The following NHSL1 variants were observed in gnomAD, a reference collection of about 807,000 sequenced individuals.
NHSL1 encodes the protein NHS like 1.
A neutral mutation model predicts 95.0 loss-of-function variants in NHSL1; 48 were observed. The ratio of observed to expected loss-of-function variants is 0.51; its 90% CI spans 0.40 to 0.64. The LOEUF (loss-of-function observed/expected upper bound fraction) is 0.64, where lower values mean the gene tolerates loss of function less well. NHSL1 is among the 30% of genes least tolerant of loss of function. The probability of loss-of-function intolerance (pLI) is 0.00; values close to 1 mark genes in which losing one functional copy is unlikely to be tolerated. For missense variants in NHSL1, 1,971 were observed against 2,077.7 expected (o/e 0.95, Z 1.00); for synonymous variants, 783 against 833.9 (o/e 0.94, Z 1.05).
intron 1 of NHSL1, among the ~76,000 whole-genome samples, chr6:138,656,150 ACTT>A (rs144832091): frequency 0.046 from 6,962 of 152,284 alleles, 223 homozygotes; most frequent in South Asian, 0.076. Flanking sequence ...GAAAGGAATG[ACTT>A]CTTCTGGTAT....
intron 1 of NHSL1, among the ~76,000 whole-genome samples, chr6:138,499,021 T>C (rs1392017785): frequency 2.6e-5 from 4 of 152,122 alleles, no homozygotes; most frequent in Non-Finnish European, 5.9e-5. Flanking sequence ...GTTACAAAAG[T>C]CTGAGGTATT....
At chr6:138,504,382 T>C (rs911591205), upstream of NHSL1, among the ~76,000 whole-genome samples, 6 of 152,126 alleles carry the variant, frequency 3.9e-5, no homozygotes, top group African/African-American at 1.2e-4. Flanking sequence ...CAGATAAAAA[T>C]GATGATATAA....
chr6:138,464,240 G>T, intron 3 of NHSL1: 1 of 823,736 alleles, frequency 1.2e-6, no homozygotes. Context: ...GGCCATCACG[G>T]CCGGCACCGT....
At position 138,431,521 on chromosome 6, in the gene NHSL1, A is replaced by G. The variant is rs201427116; in HGVS notation, c.2824T>C (p.Cys942Arg). 7 of 1,551,078 alleles carry G rather than the reference A, an allele frequency of 4.5e-6. No homozygotes were observed. In the East Asian group the frequency reaches 1.7e-4, roughly 38 times the overall value. ...AGGAAAGGAGACCTGTCTGCAGGAC[A>G]AGGGAATGGAGGAGAGGGAACAGGA... ...PPPVPSPPFP[C>R]PADRSPFLPP... The change falls in exon 6 of 8, where the codon TGT becomes CGT. Residue 942 changes from cysteine to arginine, a missense_variant. Physicochemically the swap from Cys to Arg is radical, Grantham distance 180 (BLOSUM62 -3). Transcript: ENST00000343505. This position sits in a 1 kb window ranked among gnomAD's most constrained non-coding sequence, Gnocchi z 4.0.
At chr6:138,546,097 T>A (rs547163884), upstream of NHSL1, among the ~76,000 whole-genome samples, 2 of 152,210 alleles carry the variant, frequency 1.3e-5, no homozygotes, top group Non-Finnish European at 2.9e-5. Context: ...TTATTCCTTT[T>A]CTGTTCACAT....
At chr6:138,530,321 G>C (rs1000777384) in intron 1 of NHSL1, among the ~76,000 whole-genome samples, 2 of 152,202 alleles carry the variant, frequency 1.3e-5, no homozygotes, top group African/African-American at 4.8e-5. Flanking sequence ...CTTTCACACT[G>C]CTGGCAGAAC....
At chr6:138,510,103 T>C (rs1173207395) in intron 1 of NHSL1, among the ~76,000 whole-genome samples, 1 of 152,180 alleles carries the variant, frequency 6.6e-6, no homozygotes, top group Non-Finnish European at 1.5e-5. Flanking sequence ...AGTATAAAGA[T>C]TTAGAGAAAA....
chr6:138,428,834 T>C (rs1197699076), intron 7 of NHSL1, among the ~76,000 whole-genome samples: 1 of 152,190 alleles, frequency 6.6e-6, no homozygotes, highest in Non-Finnish European at 1.5e-5. Flanking sequence ...AATAAGGCCT[T>C]GGCAGCATAA....
rs547988908 is a variant in NHSL1 at position 138,598,346 on chromosome 6, T to A, written c.96+94130A>T. Among the ~76,000 whole-genome samples, 12 of 151,724 alleles carry A rather than the reference T, an allele frequency of 7.9e-5. No individual in the cohort carries two copies. The East Asian group carries it at 1.4e-3, about 17-fold the overall frequency. On this transcript the variant is annotated intron_variant, in intron 1 of 3. Coordinates refer to the NHSL1 transcript ENST00000491526. ...GGTGGTGGTCACCTGTAGTCCCAAC[T>A]ACTTGGAAGGCTAAGGCAGGAGAAT...
chr6:138,648,482 A>G (rs945509656), intron 1 of NHSL1, among the ~76,000 whole-genome samples: 4 of 152,098 alleles, frequency 2.6e-5, no homozygotes, highest in African/African-American at 7.2e-5. Flanking sequence ...GAGACCAGGT[A>G]GGATACTTGG....
chr6:138,519,939 C>CT (rs1028681546), intron 1 of NHSL1, among the ~76,000 whole-genome samples: 10 of 152,118 alleles, frequency 6.6e-5, no homozygotes, highest in African/African-American at 2.4e-4. Flanking sequence ...TTCCTACTCC[C>CT]TCTCAACCTT....
At chr6:138,597,629 T>C (rs933217923) in intron 1 of NHSL1, among the ~76,000 whole-genome samples, 1 of 152,226 alleles carries the variant, frequency 6.6e-6, no homozygotes, top group African/African-American at 2.4e-5. Context: ...CTTGTAGTGT[T>C]TGAGTCACTA....
chr6:138,623,913 T>C (rs1784700504), intron 1 of NHSL1, among the ~76,000 whole-genome samples: 1 of 152,148 alleles, frequency 6.6e-6, no homozygotes, highest in African/African-American at 2.4e-5. Context: ...CGTCTGGCAT[T>C]TCCCCTGCTT....
intron 1 of NHSL1, among the ~76,000 whole-genome samples, chr6:138,688,650 T>C (rs1159488070): frequency 6.6e-6 from 1 of 151,760 alleles, no homozygotes; most frequent in Non-Finnish European, 1.5e-5. Context: ...CTCAAAAAAA[T>C]TAAAATAAAA....
intron 1 of NHSL1, among the ~76,000 whole-genome samples, chr6:138,602,018 T>C (rs1784377448): frequency 6.6e-6 from 1 of 152,186 alleles, no homozygotes; most frequent in South Asian, 2.1e-4. Context: ...GATAGCAGCA[T>C]ACAGAAAAAT....
At chr6:138,510,443 T>C (rs917656303) in intron 1 of NHSL1, among the ~76,000 whole-genome samples, 1 of 152,262 alleles carries the variant, frequency 6.6e-6, no homozygotes, top group Non-Finnish European at 1.5e-5. Flanking sequence ...GATAATATTT[T>C]ATTTGATTAG....
chr6:138,474,537 C>T (rs905382092), intron 2 of NHSL1, among the ~76,000 whole-genome samples: 1 of 151,890 alleles, frequency 6.6e-6, no homozygotes, highest in African/African-American at 2.4e-5. Context: ...GGAAGGACAA[C>T]GTTTACAATT....
At chr6:138,633,465 G>A (rs1467463919) in intron 1 of NHSL1, among the ~76,000 whole-genome samples, 2 of 152,220 alleles carry the variant, frequency 1.3e-5, no homozygotes, top group African/African-American at 4.8e-5. Context: ...ATACAATGGA[G>A]CTCCAATACA....
chr6:138,585,851 A>C (rs1246442329), intron 1 of NHSL1, among the ~76,000 whole-genome samples: 1 of 151,592 alleles, frequency 6.6e-6, no homozygotes, highest in Non-Finnish European at 1.5e-5. Flanking sequence ...GCTCAAGACC[A>C]GGGAAACACG....
Sources: allele counts gnomAD v4.1 joint callset (sites outside exome capture counted in the v4.1 genomes callset), GRCh38; gene constraint gnomAD v4.1.1; non-coding constraint Gnocchi (gnomAD v3.1); transcripts MANE v1.5; gene names NCBI Gene and HGNC (gene_info 2026-07-23, HGNC 2026-07-21).